The following LMBRD1 variants were observed in gnomAD, a reference collection of about 807,000 sequenced individuals.
The protein encoded by LMBRD1 is LMBR1 domain containing 1.
In LMBRD1, 64 loss-of-function variants were observed where a neutral mutation model predicts 74.8. That is an observed-to-expected ratio of 0.86 (90% CI 0.70 to 1.05). LMBRD1 has a LOEUF of 1.05. Ranked by LOEUF, LMBRD1 falls within the 50% of genes least tolerant of loss-of-function variation. The pLI is 0.00. For missense variants in LMBRD1, 652 were observed against 645.9 expected (o/e 1.01, Z -0.10); for synonymous variants, 204 against 216.3 (o/e 0.94, Z 0.50).
intron 7 of LMBRD1, among the ~76,000 whole-genome samples, chr6:69,721,772 G>A (rs1021040591): frequency 6.6e-6 from 1 of 152,196 alleles, no homozygotes; most frequent in African/African-American, 2.4e-5. Context: ...CCCAAGTCAA[G>A]GTCTAGACTC....
At chr6:69,777,763 G>T (rs1278785064) in intron 3 of LMBRD1, among the ~76,000 whole-genome samples, 1 of 152,134 alleles carries the variant, frequency 6.6e-6, no homozygotes, top group Non-Finnish European at 1.5e-5. Context: ...TGCCTAGCAA[G>T]GTTAGATCAT....
intron 3 of LMBRD1, among the ~76,000 whole-genome samples, chr6:69,768,107 T>C (rs1178817780): frequency 6.6e-6 from 1 of 151,958 alleles, no homozygotes; most frequent in Non-Finnish European, 1.5e-5. Flanking sequence ...GACAACACGT[T>C]GACGAATCTT....
chr6:69,709,071 C>A (rs1766324987), intron 9 of LMBRD1, among the ~76,000 whole-genome samples: 1 of 151,964 alleles, frequency 6.6e-6, no homozygotes, highest in Non-Finnish European at 1.5e-5. Flanking sequence ...CCCGTCTCTA[C>A]TAAAAATACA....
In LMBRD1 at chr6:69,777,991, A is replaced by T. The variant is rs181974066; in HGVS notation, c.307+2503T>A. ...CAGGATAGTAACTACCTTCGAAGCT[A>T]CGGAATCCTTTCAGGGTCCTAGCTG... On this transcript the variant is annotated intron_variant, in intron 3 of 15. Transcript: ENST00000649934. Among the ~76,000 whole-genome samples the T allele has an allele frequency of 1.2e-3, 186 of 152,374 alleles. 1 individual carries two copies. The Middle Eastern group carries it at 0.017, about 14-fold the overall frequency.
chr6:69,676,957 T>C (rs987876579), intron 14 of LMBRD1, among the ~76,000 whole-genome samples: 2 of 152,178 alleles, frequency 1.3e-5, no homozygotes, highest in African/African-American at 4.8e-5. Context: ...GTTGCACTTG[T>C]AGGGGCAGAA....
chr6:69,781,120 T>C (rs898016533), intron 2 of LMBRD1, among the ~76,000 whole-genome samples: 2 of 152,188 alleles, frequency 1.3e-5, no homozygotes, highest in South Asian at 2.1e-4. Flanking sequence ...AAGAACATAT[T>C]TGAGCATATT....
chr6:69,708,059 G>A (rs777806100), intron 9 of LMBRD1, among the ~76,000 whole-genome samples: 9 of 152,008 alleles, frequency 5.9e-5, no homozygotes, highest in African/African-American at 4.8e-5. Context: ...AGCATAAGAA[G>A]TATATATAGT....
chr6:69,793,518 T>C (rs1017311873), intron 1 of LMBRD1, among the ~76,000 whole-genome samples: 23 of 152,108 alleles, frequency 1.5e-4, no homozygotes, highest in African/African-American at 4.6e-4. Flanking sequence ...TAATGGCAAA[T>C]ACAATTTAAA....
chr6:69,680,141 T>C (rs1436906889), intron 14 of LMBRD1, among the ~76,000 whole-genome samples: 1 of 152,062 alleles, frequency 6.6e-6, no homozygotes, highest in Non-Finnish European at 1.5e-5. Flanking sequence ...AAATAACCAA[T>C]TTGAATGTTT....
At chr6:69,700,016 C>A (rs954697338) in intron 12 of LMBRD1, among the ~76,000 whole-genome samples, 6 of 151,654 alleles carry the variant, frequency 4.0e-5, no homozygotes, top group South Asian at 2.1e-4. Context: ...TCCTAACTAC[C>A]TTTTTCTTCA....
rs1056881984 is a variant in LMBRD1 at position 69,733,418 on chromosome 6, T to C, written c.636+4524A>G. ...TAATTATACTATTTAACTACCTATC[T>C]ACAATAAAACCACATATCTATAAAT... is the stretch of plus-strand genomic sequence containing the variant. On this transcript the variant is annotated intron_variant, in intron 7 of 15. Coordinates refer to ENST00000649934, the MANE Select transcript of LMBRD1 (RefSeq NM_018368.4). Among the ~76,000 whole-genome samples the C allele has an allele frequency of 2.0e-5, 3 of 152,208 alleles. No individual in the cohort carries two copies. The South Asian group carries it at 6.2e-4, about 32-fold the overall frequency.
chr6:69,759,444 A>G (rs187076274), intron 3 of LMBRD1, among the ~76,000 whole-genome samples: 1 of 152,144 alleles, frequency 6.6e-6, no homozygotes. Flanking sequence ...AGCAAATCAA[A>G]TCCAAAAATA....
chr6:69,711,961 A>G (rs1032492505), intron 9 of LMBRD1, among the ~76,000 whole-genome samples: 1 of 152,062 alleles, frequency 6.6e-6, no homozygotes. Context: ...CCCATTAGTT[A>G]TTCTACCCGA....
chr6:69,704,420 CTT>C (rs1317649243), intron 9 of LMBRD1, among the ~76,000 whole-genome samples: 1 of 152,012 alleles, frequency 6.6e-6, no homozygotes, highest in Admixed American at 6.6e-5. Flanking sequence ...TCAATATAGA[CTT>C]ATATTTTATT....
At chr6:69,751,450 C>T (rs112837437) in intron 4 of LMBRD1, among the ~76,000 whole-genome samples, 16,933 of 152,148 alleles carry the variant, frequency 0.11, 2,638 homozygotes, top group African/African-American at 0.35. Flanking sequence ...CCTCAGCCTC[C>T]GGAGTAGCTG....
chr6:69,740,290 T>C (rs558038978), intron 6 of LMBRD1, among the ~76,000 whole-genome samples: 1 of 152,078 alleles, frequency 6.6e-6, no homozygotes, highest in East Asian at 1.9e-4. Flanking sequence ...TGTTTAACAC[T>C]GGGAGACAAA....
At position 69,717,452 on chromosome 6, in the gene LMBRD1, T is replaced by C. The variant is rs186829742; in HGVS notation, c.762+1504A>G. ...ATTAAGTATTATGCTCATTAGAGGC[T>C]TCCTTTCCATATTTTCTTATCTTTA... On this transcript the variant is annotated intron_variant, in intron 8 of 15. Transcript: ENST00000649934. Among the ~76,000 whole-genome samples, 298 of 152,312 alleles carry C rather than the reference T, an allele frequency of 2.0e-3. 1 individual carries two copies. Among genetic ancestry groups the C allele is most frequent in the African/African-American group, 6.9e-3 (289 of 41,584 alleles).
intron 7 of LMBRD1, among the ~76,000 whole-genome samples, chr6:69,734,597 T>C (rs1426395259): frequency 1.3e-5 from 2 of 152,258 alleles, no homozygotes; most frequent in East Asian, 3.9e-4. Flanking sequence ...GGTTTTACCA[T>C]GTTAGCCAGG....
At chr6:69,782,559 T>C (rs532756940) in intron 2 of LMBRD1, among the ~76,000 whole-genome samples, 1 of 152,226 alleles carries the variant, frequency 6.6e-6, no homozygotes, top group Admixed American at 6.5e-5. Context: ...TACACACCTA[T>C]AATCCCAGCT....
Sources: allele counts gnomAD v4.1 joint callset (sites outside exome capture counted in the v4.1 genomes callset), GRCh38; gene constraint gnomAD v4.1.1; transcripts MANE v1.5; gene names NCBI Gene and HGNC (gene_info 2026-07-23, HGNC 2026-07-21).